RPS6KA2: variants seen among roughly 807,000 people sequenced by gnomAD.
RPS6KA2 encodes ribosomal protein S6 kinase alpha-2.
Under a neutral mutation model 91.8 loss-of-function variants are expected in RPS6KA2, and 42 were observed. That is an observed-to-expected ratio of 0.46 (90% CI 0.36 to 0.59). The LOEUF is 0.59. Among genes scored for constraint, RPS6KA2 ranks in the 20% least tolerant of loss-of-function variants. The pLI, the probability that RPS6KA2 is intolerant of heterozygous loss-of-function variation, is 0.00. For synonymous variants in RPS6KA2, 414 were observed against 393.6 expected, an observed-to-expected ratio of 1.05 and a Z score of -0.61; for missense variants, 798 against 978.5, an observed-to-expected ratio of 0.82 and a Z score of 2.46.
chr6:166,473,214 G>A (rs559449719), intron 10 of RPS6KA2, among the ~76,000 whole-genome samples: 38 of 151,954 alleles, frequency 2.5e-4, no homozygotes, highest in African/African-American at 8.4e-4. Flanking sequence ...TTTATTTTGG[G>A]GGGATTCATT....
At chr6:166,759,643 T>C (rs552526029) in intron 2 of RPS6KA2, among the ~76,000 whole-genome samples, 23 of 152,358 alleles carry the variant, frequency 1.5e-4, no homozygotes, top group African/African-American at 4.1e-4. Flanking sequence ...ATTTCTTTTC[T>C]CCAAAATGAA....
At chr6:166,447,481 G>A (rs1413461826) in intron 14 of RPS6KA2, among the ~76,000 whole-genome samples, 4 of 152,200 alleles carry the variant, frequency 2.6e-5, no homozygotes, top group Non-Finnish European at 5.9e-5. Flanking sequence ...CAAGGGACCT[G>A]AGATTTTTTT....
intron 2 of RPS6KA2, chr6:166,702,508 T>C (rs1371116044): frequency 6.5e-7 from 1 of 1,537,080 alleles, no homozygotes; most frequent in Non-Finnish European, 9.0e-7. Context: ...GTTCACTTGC[T>C]GACAGCTCTC....
Position 166,469,997 on chromosome 6 carries a change from C to T in RPS6KA2, c.908-92G>A, listed in dbSNP as rs1780701700. 2.6e-5 allele frequency: 31 copies of T among 1,177,604 alleles called. No homozygotes were observed. In the South Asian group the frequency reaches 3.7e-4, roughly 14 times the overall value. 72.9% of individuals were successfully genotyped at this position (1,177,604 alleles called of 1,614,324 possible). ...CAGCAGTGTGGAGGGTGGGGATGTG[C>T]AGAGGTGGGGCCGTGGGAAGGAGCC... On this transcript the variant is annotated intron_variant, in intron 10 of 20. Transcript: ENST00000265678.
At chr6:166,823,904 G>T (rs1285551855) in intron 2 of RPS6KA2, among the ~76,000 whole-genome samples, 1 of 152,214 alleles carries the variant, frequency 6.6e-6, no homozygotes, top group Admixed American at 6.5e-5. Flanking sequence ...ACGTGGGATA[G>T]TATGCTCACG....
intron 2 of RPS6KA2, among the ~76,000 whole-genome samples, chr6:166,793,438 T>G (rs1562443014): frequency 6.7e-6 from 1 of 150,350 alleles, no homozygotes; most frequent in African/African-American, 2.5e-5. Flanking sequence ...CCAAGGTGAT[T>G]TATAGATTCA....
chr6:166,673,301 T>C (rs1016735910), intron 2 of RPS6KA2, among the ~76,000 whole-genome samples: 5 of 151,906 alleles, frequency 3.3e-5, no homozygotes, highest in African/African-American at 4.8e-5. Context: ...TGGAGGGTCT[T>C]GGGAAGCACT....
At chr6:166,660,397 C>CGTGTGT (rs1241926275) in intron 2 of RPS6KA2, among the ~76,000 whole-genome samples, 8 of 107,996 alleles carry the variant, frequency 7.4e-5, no homozygotes, top group Non-Finnish European at 1.0e-4. Flanking sequence ...GGCATGCGTG[C>CGTGTGT]GTGTGTGTGT....
At position 166,419,799 on chromosome 6, in the gene RPS6KA2, C is replaced by T; in HGVS notation, c.1820+83G>A. ...CCCACATGCGCACACTAGGACAGGG[C>T]TGGCCCTGGTCCCCTGACAGATCAG... On this transcript the variant is annotated intron_variant, in intron 18 of 20. Coordinates refer to ENST00000265678, the MANE Select transcript of RPS6KA2 (RefSeq NM_021135.6). This position sits in a 1 kb window ranked among gnomAD's most constrained non-coding sequence, Gnocchi z 5.6. 2 of 1,275,808 alleles carry T rather than the reference C, an allele frequency of 1.6e-6. No homozygotes were observed. The highest frequency in any genetic ancestry group is 2.3e-6 in the Non-Finnish European group (2 of 876,032). The allele number at this position is 1,275,808 out of a possible 1,614,324, so 79.0% of individuals were successfully genotyped here. A position where few individuals can be genotyped will look rare whatever the true frequency, so the allele number is the denominator to read the frequency against.
At chr6:166,673,539 C>G (rs1326349317) in intron 2 of RPS6KA2, among the ~76,000 whole-genome samples, 1 of 152,158 alleles carries the variant, frequency 6.6e-6, no homozygotes, top group Non-Finnish European at 1.5e-5. Flanking sequence ...TGGCCCTGAG[C>G]CCATGGGGCC....
chr6:166,687,189 C>A (rs1789048536), intron 2 of RPS6KA2, among the ~76,000 whole-genome samples: 1 of 152,242 alleles, frequency 6.6e-6, no homozygotes, highest in Non-Finnish European at 1.5e-5. Flanking sequence ...ACAGCAGCCA[C>A]CGCGGGCAGA....
intron 2 of RPS6KA2, among the ~76,000 whole-genome samples, chr6:166,813,756 T>C (rs1056076926): frequency 2.0e-5 from 3 of 152,224 alleles, no homozygotes; most frequent in Non-Finnish European, 2.9e-5. Context: ...ATGCCAGTCA[T>C]GTCATTGAGT....
intron 2 of RPS6KA2, among the ~76,000 whole-genome samples, chr6:166,769,194 G>T (rs1182552455): frequency 1.3e-5 from 2 of 152,170 alleles, no homozygotes; most frequent in African/African-American, 2.4e-5. Context: ...ACCCAGTATT[G>T]GAACGCATCA....
chr6:166,550,829 C>G (rs536404054), intron 1 of RPS6KA2, among the ~76,000 whole-genome samples: 1 of 151,734 alleles, frequency 6.6e-6, no homozygotes, highest in South Asian at 2.1e-4. Context: ...GGTGAAACCC[C>G]GTCTCTACTA....
At chr6:166,464,358 T>TGCTTGGAAGGGTTTCAA in intron 11 of RPS6KA2, among the ~76,000 whole-genome samples, 1 of 152,150 alleles carries the variant, frequency 6.6e-6, no homozygotes, top group East Asian at 1.9e-4. Context: ...GCTAATGGTG[T>TGCTTGGAAGGGTTTCAA]GCTTGGAAGG....
chr6:166,490,029 C>T lies in RPS6KA2; in HGVS notation c.818+642G>A, dbSNP rs983471549. Among the ~76,000 whole-genome samples, 3 of 152,118 alleles carry T rather than the reference C, an allele frequency of 2.0e-5. No individual in the cohort carries two copies. Among genetic ancestry groups the T allele is most frequent in the African/African-American group, 7.2e-5 (3 of 41,422 alleles). On this transcript the variant is annotated intron_variant, in intron 9 of 20. Coordinates refer to ENST00000265678, the MANE Select transcript of RPS6KA2 (RefSeq NM_021135.6). The surrounding 1 kb of genome is among the most constrained non-coding windows in gnomAD (Gnocchi z 4.2). Reference sequence around the variant, plus strand: ...GGACAGTGATAGTCAGTGGTGTCTGCTCACATTTAGGATGCTATGGCAAGG... The same window carrying T: ...GGACAGTGATAGTCAGTGGTGTCTGTTCACATTTAGGATGCTATGGCAAGG...
At chr6:166,851,682 C>T (rs186381250) in intron 2 of RPS6KA2, among the ~76,000 whole-genome samples, 3 of 152,276 alleles carry the variant, frequency 2.0e-5, no homozygotes, top group Admixed American at 6.5e-5. Flanking sequence ...CCCATTCGCA[C>T]TGAGTAATCC....
At chr6:166,578,087 C>G (rs960597531) in intron 1 of RPS6KA2, among the ~76,000 whole-genome samples, 9 of 152,172 alleles carry the variant, frequency 5.9e-5, no homozygotes, top group African/African-American at 1.7e-4. Context: ...GCCTCCCCAG[C>G]CATGAGGAAC....
At chr6:166,841,393 T>C (rs1780475156) in intron 2 of RPS6KA2, among the ~76,000 whole-genome samples, 1 of 152,398 alleles carries the variant, frequency 6.6e-6, no homozygotes, top group African/African-American at 2.4e-5. Context: ...CCAGGCAAAG[T>C]GCGTGCTGCA....
Sources: allele counts gnomAD v4.1 joint callset (sites outside exome capture counted in the v4.1 genomes callset), GRCh38; gene constraint gnomAD v4.1.1; non-coding constraint Gnocchi (gnomAD v3.1); transcripts MANE v1.5; gene names NCBI Gene and HGNC (gene_info 2026-07-23, HGNC 2026-07-21).